NETO1: variants seen among roughly 807,000 people sequenced by gnomAD.
The protein encoded by NETO1 is neuropilin and tolloid like 1, also known as neuropilin and tolloid-like protein 1.
In NETO1, 26 loss-of-function variants were observed where a neutral mutation model predicts 61.3. The ratio of observed to expected loss-of-function variants is 0.42; its 90% CI spans 0.31 to 0.59. The LOEUF (loss-of-function observed/expected upper bound fraction) is 0.59. Among genes scored for constraint, NETO1 ranks in the 20% least tolerant of loss-of-function variants. The pLI, the probability that NETO1 is intolerant of heterozygous loss-of-function variation, is 0.12. For missense variants in NETO1, 531 were observed against 662.8 expected, an observed-to-expected ratio of 0.80 and a Z score of 2.18; for synonymous variants, 225 against 225.8, an observed-to-expected ratio of 1.00 and a Z score of 0.03.
At chr18:72,855,781 T>G (rs1449427150) in intron 4 of NETO1, among the ~76,000 whole-genome samples, 4 of 152,220 alleles carry the variant, frequency 2.6e-5, no homozygotes, top group African/African-American at 9.6e-5. Context: ...GACTGGACAC[T>G]GGGACCCATG....
intron 4 of NETO1, among the ~76,000 whole-genome samples, chr18:72,857,068 G>A (rs1025124434): frequency 1.3e-5 from 2 of 152,208 alleles, no homozygotes; most frequent in Non-Finnish European, 1.5e-5. Flanking sequence ...GCCACACAAT[G>A]TCAACTTTTG....
intron 7 of NETO1, among the ~76,000 whole-genome samples, chr18:72,758,551 TAGAG>T: frequency 6.6e-6 from 1 of 152,228 alleles, no homozygotes; most frequent in East Asian, 1.9e-4. Context: ...AGAAGCAATG[TAGAG>T]GCTGGGCGTG....
chr18:72,835,221 A>G, intron 4 of NETO1: 2 of 1,471,008 alleles, frequency 1.4e-6, no homozygotes, highest in Non-Finnish European at 1.8e-6. Flanking sequence ...ATGGTGTTAG[A>G]TCAACGTTCT....
Position 72,830,644 on chromosome 18 carries a change from A to C in NETO1, c.469+28182T>G, listed in dbSNP as rs1315148343. On this transcript the variant is annotated intron_variant, in intron 4 of 10. Coordinates refer to ENST00000327305, the MANE Select transcript of NETO1 (RefSeq NM_138966.5). The surrounding 1 kb of genome is among the most constrained non-coding windows in gnomAD (Gnocchi z 4.9). Reference sequence around the variant, plus strand: ...GAGGGGATGGATTTCTCCAGGTTACAGGCAAAGCATATGAAAATCTGTCTT... The same window carrying C: ...GAGGGGATGGATTTCTCCAGGTTACCGGCAAAGCATATGAAAATCTGTCTT... Among the ~76,000 whole-genome samples the C allele has an allele frequency of 6.6e-6, 1 of 152,156 alleles. No individual in the cohort carries two copies. The highest frequency in any genetic ancestry group is 6.6e-5 in the Admixed American group (1 of 15,262).
chr18:72,767,855 T>C (rs1030161203), intron 7 of NETO1, among the ~76,000 whole-genome samples: 1 of 152,206 alleles, frequency 6.6e-6, no homozygotes, highest in African/African-American at 2.4e-5. Flanking sequence ...TCACTGTATT[T>C]GAAAGTGTTA....
rs1337639503 is a variant in NETO1, at chr18:72,747,268, G to GT, written c.*910dup. ...TTTATATATATTTATATAAAAAGTC[G>GT]TAAGTAGCAAGCATATGACATAAAG... On this transcript the variant is annotated 3_prime_UTR_variant, in exon 11 of 11. Coordinates refer to ENST00000327305, the MANE Select transcript of NETO1 (RefSeq NM_138966.5). The GT allele has an allele frequency of 3.3e-5, 5 of 151,748 alleles. No individual in the cohort carries two copies. Among genetic ancestry groups the GT allele is most frequent in the African/African-American group, 1.2e-4 (5 of 41,354 alleles). The allele number at this position is 151,748 out of a possible 1,614,324, so 9.4% of individuals were successfully genotyped here.
chr18:72,841,567 C>G (rs138182578), intron 4 of NETO1, among the ~76,000 whole-genome samples: 1 of 151,650 alleles, frequency 6.6e-6, no homozygotes, highest in East Asian at 1.9e-4. Context: ...ACCCCCATCT[C>G]TACTGAAAAT....
intron 8 of NETO1, among the ~76,000 whole-genome samples, chr18:72,752,448 T>C (rs1305664217): frequency 6.6e-6 from 1 of 152,130 alleles, no homozygotes; most frequent in Non-Finnish European, 1.5e-5. Flanking sequence ...TCCAAGGCGG[T>C]GGCCTCTGTG....
chr18:72,750,999 C>G (rs1164767129), intron 8 of NETO1, among the ~76,000 whole-genome samples: 1 of 138,894 alleles, frequency 7.2e-6, no homozygotes, highest in Admixed American at 7.7e-5. Flanking sequence ...AATACACTGA[C>G]CAGTCTTAAA....
At chr18:72,862,842 G>C (rs1429067109) in intron 3 of NETO1, among the ~76,000 whole-genome samples, 1 of 151,878 alleles carries the variant, frequency 6.6e-6, no homozygotes, top group African/African-American at 2.4e-5. Context: ...GGATGGTCTC[G>C]ATCTCCTGAC....
At chr18:72,836,466 C>T (rs1347353090) in intron 4 of NETO1, among the ~76,000 whole-genome samples, 2 of 152,148 alleles carry the variant, frequency 1.3e-5, no homozygotes, top group Non-Finnish European at 2.9e-5. Flanking sequence ...GTTCTTAAGA[C>T]TGAGGTCCAC....
intron 7 of NETO1, among the ~76,000 whole-genome samples, chr18:72,771,711 G>A (rs943094501): frequency 1.3e-5 from 2 of 152,046 alleles, no homozygotes; most frequent in Non-Finnish European, 2.9e-5. Flanking sequence ...AGTAGGACTA[G>A]TACTATATTA....
chr18:72,807,751 CACA>C (rs1409113691), intron 4 of NETO1, among the ~76,000 whole-genome samples: 1,037 of 23,250 alleles, frequency 0.045, 17 homozygotes, highest in Admixed American at 0.051. Flanking sequence ...CACACACACA[CACA>C]CCCATACTGT....
intron 9 of NETO1, 115 bp from the exon 10 acceptor site, chr18:72,749,203 T>G (rs988740820): frequency 2.8e-6 from 2 of 712,906 alleles, no homozygotes; most frequent in South Asian, 1.6e-5. Flanking sequence ...AATAGACTTA[T>G]GTCAGCATGC....
chr18:72,852,404 A>C (rs563613132), intron 4 of NETO1, among the ~76,000 whole-genome samples: 19 of 152,260 alleles, frequency 1.2e-4, no homozygotes, highest in African/African-American at 4.1e-4. Context: ...TTTAGTAGAG[A>C]CAGGGTTTCA....
chr18:72,841,375 A>T (rs1161795434), intron 4 of NETO1, among the ~76,000 whole-genome samples: 1 of 151,262 alleles, frequency 6.6e-6, no homozygotes, highest in Admixed American at 6.6e-5. Flanking sequence ...ACAGAATCTT[A>T]TTTAATCCTT....
At chr18:72,841,734 AAC>A (rs796413617) in intron 4 of NETO1, among the ~76,000 whole-genome samples, 4 of 13,126 alleles carry the variant, frequency 3.0e-4, no homozygotes, top group Non-Finnish European at 5.1e-4. Flanking sequence ...ACTCTACCTC[AAC>A]AAAAAAAAAA....
At chr18:72,772,825 C>CTCTCTATA (rs1568187563) in intron 7 of NETO1, among the ~76,000 whole-genome samples, 9 of 40,840 alleles carry the variant, frequency 2.2e-4, no homozygotes, top group African/African-American at 3.2e-4. Flanking sequence ...CTCTCTCTCT[C>CTCTCTATA]TATATATATA....
intron 9 of NETO1, 106 bp downstream of exon 9, chr18:72,749,952 ATCAT>A: frequency 1.2e-6 from 1 of 846,096 alleles, no homozygotes; most frequent in Non-Finnish European, 1.8e-6. Flanking sequence ...TAGGGTTTAA[ATCAT>A]TAATTAAAGG....
Sources: gnomAD v4.1 joint callset for allele counts (sites outside exome capture counted in the v4.1 genomes callset) on GRCh38, gnomAD v4.1.1 for gene constraint, Gnocchi (gnomAD v3.1) non-coding constraint, MANE v1.5 for transcripts, NCBI Gene and HGNC (gene_info 2026-07-23, HGNC 2026-07-21) for gene names.